Variants in TNS3 observed in about 807,000 individuals in gnomAD.
TNS3 encodes tensin 3, also known as tensin-3.
A neutral mutation model predicts 140.9 loss-of-function variants in TNS3; 45 were observed. The ratio of observed to expected loss-of-function variants is 0.32; its 90% CI spans 0.25 to 0.41. The LOEUF (loss-of-function observed/expected upper bound fraction) is 0.41, where lower values mean the gene tolerates loss of function less well. Among genes scored for constraint, TNS3 ranks in the 10% least tolerant of loss-of-function variants. The pLI is 1.00. For missense variants in TNS3, 1,716 were observed against 1,906.7 expected (o/e 0.90, Z 1.86); for synonymous variants, 815 against 788.4 (o/e 1.03, Z -0.56).
At chr7:47,468,365 C>T (rs1472912077) in intron 4 of TNS3, among the ~76,000 whole-genome samples, 2 of 152,094 alleles carry the variant, frequency 1.3e-5, no homozygotes, top group South Asian at 2.1e-4. Flanking sequence ...CACTTGAACC[C>T]GGGAGGCAGA....
chr7:47,373,050 G>A (rs1217769028), intron 16 of TNS3, among the ~76,000 whole-genome samples: 1 of 152,316 alleles, frequency 6.6e-6, no homozygotes, highest in Admixed American at 6.5e-5. Context: ...GTGGTCTTCA[G>A]TGGGGGCAGG....
chr7:47,539,819 T>G (rs1799734106), intron 1 of TNS3, among the ~76,000 whole-genome samples: 1 of 152,312 alleles, frequency 6.6e-6, no homozygotes, highest in South Asian at 2.1e-4. Flanking sequence ...TAAACACTGG[T>G]GCAGGAATGA....
chr7:47,417,582 G>A (rs1794149967), intron 10 of TNS3, among the ~76,000 whole-genome samples: 1 of 152,144 alleles, frequency 6.6e-6, no homozygotes, highest in Admixed American at 6.5e-5. Context: ...CTGCTCAGGT[G>A]GTAGCTTAAC....
intron 1 of TNS3, among the ~76,000 whole-genome samples, chr7:47,555,998 A>G (rs147072504): frequency 2.6e-5 from 4 of 152,282 alleles, no homozygotes; most frequent in African/African-American, 4.8e-5. Context: ...GTAGGTGTGC[A>G]TGCATGCATG....
chr7:47,374,203 C>G (rs1046023675), intron 16 of TNS3, among the ~76,000 whole-genome samples: 6 of 152,196 alleles, frequency 3.9e-5, no homozygotes, highest in African/African-American at 7.2e-5. Context: ...GGCCAGAGAT[C>G]CAGGGAACAT....
intron 3 of TNS3, among the ~76,000 whole-genome samples, chr7:47,502,739 G>A (rs28674129): frequency 0.011 from 1,604 of 152,318 alleles, 18 homozygotes; most frequent in African/African-American, 0.036. Flanking sequence ...ACGTAGCACC[G>A]GGACAGTGGA....
chr7:47,375,902 T>C (rs937216845), intron 16 of TNS3, among the ~76,000 whole-genome samples: 1 of 152,234 alleles, frequency 6.6e-6, no homozygotes, highest in African/African-American at 2.4e-5. Context: ...ACAAATCTGA[T>C]AGATTTATGA....
intron 27 of TNS3, among the ~76,000 whole-genome samples, chr7:47,291,465 G>T (rs1363901776): frequency 6.6e-6 from 1 of 151,844 alleles, no homozygotes; most frequent in Non-Finnish European, 1.5e-5. Flanking sequence ...TCTCCATTTT[G>T]CTGTGAATCT....
intron 1 of TNS3, chr7:47,539,079 G>A: frequency 2.2e-6 from 1 of 456,662 alleles, no homozygotes; most frequent in South Asian, 1.5e-5. Flanking sequence ...CCTTACCATG[G>A]TGCCCACAGG....
chr7:47,440,321 C>G (rs1795403495), intron 5 of TNS3, among the ~76,000 whole-genome samples: 1 of 152,088 alleles, frequency 6.6e-6, no homozygotes, highest in African/African-American at 2.4e-5. Context: ...TGAGTAGCAA[C>G]TCAGCAGACT....
intron 2 of TNS3, among the ~76,000 whole-genome samples, chr7:47,524,406 G>C (rs1318632511): frequency 6.6e-6 from 1 of 152,218 alleles, no homozygotes; most frequent in African/African-American, 2.4e-5. Flanking sequence ...TCCCATCCTA[G>C]CTGAGGCGCC....
At chr7:47,391,140 C>T (rs1336374861) in intron 16 of TNS3, among the ~76,000 whole-genome samples, 3 of 152,212 alleles carry the variant, frequency 2.0e-5, no homozygotes, top group Non-Finnish European at 4.4e-5. Context: ...GCCTATGCCC[C>T]ATGCCCAGGG....
intron 30 of TNS3, 30 bp from the exon 31 acceptor site, chr7:47,278,250 C>A: frequency 6.2e-7 from 1 of 1,601,392 alleles, no homozygotes; most frequent in South Asian, 1.1e-5. Flanking sequence ...TCAGAGTGGT[C>A]AGTGTCCCAC....
rs1486678881 is a variant in TNS3, at chr7:47,276,370, A to T, written c.*1706T>A. The T allele has an allele frequency of 6.6e-6, 1 of 152,528 alleles. No homozygotes were observed. Among genetic ancestry groups the T allele is most frequent in the African/African-American group, 2.4e-5 (1 of 41,370 alleles). The allele number at this position is 152,528 out of a possible 1,614,324, so 9.4% of individuals were successfully genotyped here. On this transcript the variant is annotated 3_prime_UTR_variant, in exon 31 of 31. Transcript: ENST00000311160. Reference sequence around the variant, plus strand: ...ACCCACTGTGATTTGGCTGCTTCCAACTCTGCCTGTTTCTAAGTTTTCCTC... The same window carrying T: ...ACCCACTGTGATTTGGCTGCTTCCATCTCTGCCTGTTTCTAAGTTTTCCTC...
intron 20 of TNS3, among the ~76,000 whole-genome samples, chr7:47,333,634 G>A (rs1485082247): frequency 6.6e-6 from 1 of 152,122 alleles, no homozygotes; most frequent in African/African-American, 2.4e-5. Context: ...GTCGAGTACA[G>A]GAAAGAAAGA....
At chr7:47,505,351 C>CA (rs779681078) in intron 3 of TNS3, among the ~76,000 whole-genome samples, 30 of 152,170 alleles carry the variant, frequency 2.0e-4, no homozygotes, top group Non-Finnish European at 3.8e-4. Flanking sequence ...TATCTGTGGA[C>CA]AAAAAACCTC....
intron 20 of TNS3, among the ~76,000 whole-genome samples, chr7:47,331,200 TTC>T (rs1274972605): frequency 6.6e-6 from 1 of 152,002 alleles, no homozygotes; most frequent in African/African-American, 2.4e-5. Context: ...GACCCACAGG[TTC>T]TGTTTTCAGC....
At chr7:47,411,682 G>A (rs1171956963) in intron 13 of TNS3, 45 bp downstream of exon 13, 11 of 1,556,226 alleles carry the variant, frequency 7.1e-6, no homozygotes, top group Non-Finnish European at 9.7e-6. Flanking sequence ...TCACCACTGG[G>A]AGAGTGGGGA....
intron 3 of TNS3, among the ~76,000 whole-genome samples, chr7:47,497,662 A>AACACAC (rs6150097): frequency 0.051 from 4,680 of 91,172 alleles, 110 homozygotes; most frequent in East Asian, 0.091. Context: ...TCACGTATGG[A>AACACAC]ACACACACAC....
Sources: gnomAD v4.1 joint callset for allele counts (sites outside exome capture counted in the v4.1 genomes callset) on GRCh38, gnomAD v4.1.1 for gene constraint, MANE v1.5 for transcripts, NCBI Gene and HGNC (gene_info 2026-07-23, HGNC 2026-07-21) for gene names.